Variants in SPATA31F1 observed in about 807,000 individuals in gnomAD.
The protein encoded by SPATA31F1 is protein SPATA31F1.
At chr9:34,727,093 G>A in the SPATA31F1 span, 1 of 1,451,842 alleles carries the variant, frequency 6.9e-7, no homozygotes, top group South Asian at 1.4e-5. Context: ...GAAAACCCTG[G>A]GGCCTATACC....
At chr9:34,723,629 G>T in the SPATA31F1 span, 7 of 1,551,708 alleles carry the variant, frequency 4.5e-6, no homozygotes, top group Admixed American at 9.8e-5. Flanking sequence ...TGTAAGGCTG[G>T]GCTTCTTTTG....
At chr9:34,724,286 G>C in the SPATA31F1 span, 110 of 1,551,370 alleles carry the variant, frequency 7.1e-5, no homozygotes, top group Non-Finnish European at 9.0e-5. Context: ...AGAACCCTGG[G>C]GTACAGCTTT....
the SPATA31F1 span, chr9:34,723,941 C>T: frequency 1.3e-6 from 2 of 1,551,432 alleles, no homozygotes; most frequent in Non-Finnish European, 1.7e-6. Flanking sequence ...AAAGCTACGG[C>T]TCCATCGCCA....
chr9:34,726,936 G>T, the SPATA31F1 span: 15 of 1,551,474 alleles, frequency 9.7e-6, no homozygotes, highest in Admixed American at 7.8e-5. Context: ...TGGCAGCAGG[G>T]ATCTGCACAC....
chr9:34,726,567 T>G, the SPATA31F1 span: 36 of 1,551,714 alleles, frequency 2.3e-5, no homozygotes, highest in East Asian at 1.5e-4. Flanking sequence ...GGCTTCTCAA[T>G]CCTTGAAGAA....
At chr9:34,727,867 C>T in the SPATA31F1 span, among the ~76,000 whole-genome samples, 1 of 152,216 alleles carries the variant, frequency 6.6e-6, no homozygotes, top group Non-Finnish European at 1.5e-5. Flanking sequence ...GAACCCCACT[C>T]TTCCCTGGCA....
the SPATA31F1 span, chr9:34,723,470 G>A: frequency 6.4e-7 from 1 of 1,551,822 alleles, no homozygotes; most frequent in Non-Finnish European, 8.7e-7. Flanking sequence ...AGGGCTCTTG[G>A]CTGGAGCCAG....
At chr9:34,725,101 A>G in the SPATA31F1 span, 2 of 1,549,982 alleles carry the variant, frequency 1.3e-6, no homozygotes, top group African/African-American at 2.7e-5. Context: ...GAATGCAGGG[A>G]AAAGGAGCCA....
the SPATA31F1 span, chr9:34,725,723 C>T: frequency 1.6e-4 from 240 of 1,546,376 alleles, 1 homozygote; most frequent in Non-Finnish European, 2.0e-4. Flanking sequence ...GATCTGAGCT[C>T]GTTGATGGTC....
the SPATA31F1 span, chr9:34,726,718 T>C: frequency 6.4e-7 from 1 of 1,551,686 alleles, no homozygotes; most frequent in Non-Finnish European, 8.7e-7. Context: ...GATCTGTTAA[T>C]TGTGACAGTG....
At chr9:34,723,234 A>G in the SPATA31F1 span, 2 of 1,551,126 alleles carry the variant, frequency 1.3e-6, no homozygotes, top group Non-Finnish European at 1.7e-6. Context: ...GTCAGGAGCT[A>G]GGTTGGGTGC....
the SPATA31F1 span, chr9:34,724,176 C>G: frequency 6.4e-7 from 1 of 1,551,276 alleles, no homozygotes; most frequent in South Asian, 1.2e-5. Context: ...CAGGGTTCCT[C>G]CAGGCTGGGT....
chr9:34,723,837 C>T, the SPATA31F1 span: 1 of 1,551,720 alleles, frequency 6.4e-7, no homozygotes, highest in Non-Finnish European at 8.7e-7. Flanking sequence ...AGGTCCTTCT[C>T]AGACTCTTTC....
chr9:34,727,095 G>T, the SPATA31F1 span: 3 of 1,448,522 alleles, frequency 2.1e-6, no homozygotes, highest in Non-Finnish European at 1.8e-6. Flanking sequence ...AAACCCTGGG[G>T]CCTATACCAT....
the SPATA31F1 span, chr9:34,723,628 G>A: frequency 6.4e-7 from 1 of 1,551,616 alleles, no homozygotes; most frequent in Admixed American, 2.0e-5. Context: ...CTGTAAGGCT[G>A]GGCTTCTTTT....
chr9:34,726,905 A>T, the SPATA31F1 span: 1 of 1,551,798 alleles, frequency 6.4e-7, no homozygotes, highest in Non-Finnish European at 8.7e-7. Context: ...CTGAATCTCC[A>T]GAGCCACAGA....
At chr9:34,729,272 T>C in the SPATA31F1 span, 1 of 1,551,154 alleles carries the variant, frequency 6.4e-7, no homozygotes, top group African/African-American at 1.4e-5. Context: ...TCAGTTGGGA[T>C]CACAGCCCTA....
the SPATA31F1 span, chr9:34,729,379 T>C: frequency 1.9e-6 from 3 of 1,551,666 alleles, no homozygotes; most frequent in Non-Finnish European, 1.7e-6. Context: ...GAGCCATAGA[T>C]GTATAAGGGA....
At chr9:34,723,298 G>A in the SPATA31F1 span, 1 of 1,551,738 alleles carries the variant, frequency 6.4e-7, no homozygotes, top group Non-Finnish European at 8.7e-7. Context: ...AGTGGCGGGG[G>A]TAGCCCAGGG....
Sources: gnomAD v4.1 joint callset for allele counts (sites outside exome capture counted in the v4.1 genomes callset) on GRCh38, gnomAD v4.1.1 for gene constraint, MANE v1.5 for transcripts, NCBI Gene and HGNC (gene_info 2026-07-23, HGNC 2026-07-21) for gene names.